RTN4IP1: variants seen among roughly 807,000 people sequenced by gnomAD.
RTN4IP1 encodes the protein NAD(P)H oxidoreductase RTN4IP1, mitochondrial.
In RTN4IP1, 32 loss-of-function variants were observed where a neutral mutation model predicts 46.6. That is an observed-to-expected ratio of 0.69 (90% CI 0.52 to 0.92). RTN4IP1 has a LOEUF of 0.92. RTN4IP1 is among the 40% of genes least tolerant of loss of function. The pLI, the probability that RTN4IP1 is intolerant of heterozygous loss-of-function variation, is 0.00. For synonymous variants in RTN4IP1, 167 were observed against 161.8 expected (o/e 1.03, Z -0.24); for missense variants, 424 against 485.8 (o/e 0.87, Z 1.20).
intron 5 of RTN4IP1, among the ~76,000 whole-genome samples, chr6:106,602,636 C>T (rs1775974693): frequency 6.6e-6 from 1 of 152,164 alleles, no homozygotes; most frequent in African/African-American, 2.4e-5. Flanking sequence ...ATTTTCCTTA[C>T]AGTGAGCTAT....
At chr6:106,625,864 C>A (rs1776624370) in intron 1 of RTN4IP1, among the ~76,000 whole-genome samples, 1 of 151,892 alleles carries the variant, frequency 6.6e-6, no homozygotes, top group South Asian at 2.1e-4. Flanking sequence ...CCATGTTGAT[C>A]AGGATGGTCT....
chr6:106,580,904 A>G (rs1175244402), intron 8 of RTN4IP1, among the ~76,000 whole-genome samples: 9 of 151,900 alleles, frequency 5.9e-5, no homozygotes, highest in Non-Finnish European at 1.2e-4. Flanking sequence ...CCATACAAAT[A>G]CTATGTAGCT....
chr6:106,600,150 C>A (rs1485838483), intron 5 of RTN4IP1, among the ~76,000 whole-genome samples: 1 of 152,068 alleles, frequency 6.6e-6, no homozygotes, highest in Non-Finnish European at 1.5e-5. Context: ...CATCTGGGTT[C>A]TCAAAAAGTC....
At position 106,592,320 on chromosome 6, in the gene RTN4IP1, A is replaced by C. The variant is rs755355988; in HGVS notation, c.670-20T>G. ...CATTACCTGCCCCCCACCAAAAAGA[A>C]AAAAAGAATAAAAAAGGGAGAGATT... On this transcript the variant is annotated intron_variant, in intron 5 of 8. Coordinates refer to ENST00000369063, the MANE Select transcript of RTN4IP1 (RefSeq NM_032730.5). The C allele has an allele frequency of 6.2e-7, 1 of 1,603,262 alleles. No homozygotes were observed. Among genetic ancestry groups the C allele is most frequent in the South Asian group, 1.1e-5 (1 of 88,914 alleles).
chr6:106,612,126 C>A (rs1025425459), intron 4 of RTN4IP1, among the ~76,000 whole-genome samples: 1 of 152,000 alleles, frequency 6.6e-6, no homozygotes, highest in African/African-American at 2.4e-5. Context: ...GTGGCTCACG[C>A]CTGTAATCCC....
rs1193224747 is a variant in RTN4IP1, at chr6:106,592,219, C to A, written c.751G>T (p.Asp251Tyr). 1 of 1,613,992 alleles carries A rather than the reference C, an allele frequency of 6.2e-7. No homozygotes were observed. Among genetic ancestry groups the A allele is most frequent in the African/African-American group, 1.3e-5 (1 of 74,890 alleles). ...CTTCCAGATTTGTAATCAATTACAT[C>A]GTCTGCACCAAGCTTCCTTACAAGT... Reference protein sequence around the residue: ...SELVRKLGADDVIDYKSGSVE... With the variant: ...SELVRKLGADYVIDYKSGSVE... The change falls in exon 6 of 9, where the codon GAT (aspartate) becomes TAT (tyrosine). Residue 251 changes from aspartate (D) to tyrosine (Y), a missense_variant. Transcript: ENST00000369063.
intron 6 of RTN4IP1, among the ~76,000 whole-genome samples, chr6:106,591,755 T>C (rs1775669133): frequency 6.6e-6 from 1 of 152,164 alleles, no homozygotes; most frequent in Admixed American, 6.5e-5. Context: ...AGACTTACAC[T>C]GTTTCTCTTA....
chr6:106,613,782 A>G (rs1190967195), intron 4 of RTN4IP1, among the ~76,000 whole-genome samples: 1 of 152,168 alleles, frequency 6.6e-6, no homozygotes, highest in Admixed American at 6.5e-5. Flanking sequence ...AAACATTTAC[A>G]GTCTATTCTC....
intron 8 of RTN4IP1, among the ~76,000 whole-genome samples, chr6:106,580,266 CCTT>C (rs1226006423): frequency 6.7e-6 from 1 of 149,256 alleles, no homozygotes; most frequent in Non-Finnish European, 1.5e-5. Flanking sequence ...AGTAACCAGA[CCTT>C]CTTCACATTC....
At chr6:106,596,040 T>C (rs929450177) in intron 5 of RTN4IP1, among the ~76,000 whole-genome samples, 5 of 18,962 alleles carry the variant, frequency 2.6e-4, no homozygotes, top group Admixed American at 8.7e-4. Context: ...GTAATGGTCA[T>C]TATTATTACT....
intron 8 of RTN4IP1, among the ~76,000 whole-genome samples, chr6:106,575,190 CTA>C (rs900570574): frequency 2.0e-5 from 3 of 152,198 alleles, no homozygotes; most frequent in African/African-American, 7.2e-5. Flanking sequence ...GATGACGCTG[CTA>C]TAGTCCACCT....
chr6:106,595,678 A>T (rs1424617052), intron 5 of RTN4IP1, among the ~76,000 whole-genome samples: 2 of 151,856 alleles, frequency 1.3e-5, no homozygotes, highest in African/African-American at 4.8e-5. Flanking sequence ...TTGTATTTTT[A>T]TTAGAGAAGG....
At chr6:106,575,429 G>A (rs922031110) in intron 8 of RTN4IP1, among the ~76,000 whole-genome samples, 26 of 152,254 alleles carry the variant, frequency 1.7e-4, no homozygotes, top group African/African-American at 6.3e-4. Flanking sequence ...CTGTGAGAAC[G>A]TAGGGACGAC....
At chr6:106,613,413 G>A in intron 4 of RTN4IP1, among the ~76,000 whole-genome samples, 1 of 152,120 alleles carries the variant, frequency 6.6e-6, no homozygotes, top group East Asian at 1.9e-4. Flanking sequence ...GTTAAACAAG[G>A]TTTGAAATGT....
At chr6:106,587,013 T>C (rs1775502908) in intron 7 of RTN4IP1, among the ~76,000 whole-genome samples, 1 of 152,146 alleles carries the variant, frequency 6.6e-6, no homozygotes, top group Admixed American at 6.5e-5. Context: ...CATCATGCCA[T>C]TAATAGCTGG....
At chr6:106,590,177 G>A (rs957449543) in intron 6 of RTN4IP1, among the ~76,000 whole-genome samples, 13 of 152,044 alleles carry the variant, frequency 8.6e-5, no homozygotes, top group South Asian at 2.1e-4. Context: ...AAAATTAGCC[G>A]GGTGTGATGG....
At chr6:106,605,700 C>A (rs1022727345) in intron 4 of RTN4IP1, among the ~76,000 whole-genome samples, 1 of 151,182 alleles carries the variant, frequency 6.6e-6, no homozygotes, top group African/African-American at 2.4e-5. Context: ...GCCTGTAGTC[C>A]CAGCTACTCG....
intron 1 of RTN4IP1, among the ~76,000 whole-genome samples, chr6:106,624,272 T>C (rs1367042029): frequency 6.6e-6 from 1 of 152,090 alleles, no homozygotes; most frequent in Non-Finnish European, 1.5e-5. Context: ...GCCAAGATGG[T>C]CTCAATCTCC....
rs759267438 is a variant in RTN4IP1 at position 106,592,184 on chromosome 6, C to T, written c.786G>A (p.Glu262=). 2 of 1,614,032 alleles carry T rather than the reference C, an allele frequency of 1.2e-6. No homozygotes were observed. The highest frequency in any genetic ancestry group is 1.7e-6 in the Non-Finnish European group (2 of 1,179,982). Reference sequence around the variant, plus strand: ...CATACGGTTTTAAGGATTTCAACTGCTCTTCCACACTTCCAGATTTGTAAT... The same window carrying T: ...CATACGGTTTTAAGGATTTCAACTGTTCTTCCACACTTCCAGATTTGTAAT... ...VIDYKSGSVE[E]QLKSLKPFDF... is the part of the protein sequence containing the mutation. Residue 262 remains glutamate (E), a synonymous_variant, in exon 6 of 9, where the codon GAG becomes GAA. Coordinates refer to ENST00000369063, the MANE Select transcript of RTN4IP1 (RefSeq NM_032730.5).
Sources: allele counts gnomAD v4.1 joint callset (sites outside exome capture counted in the v4.1 genomes callset), GRCh38; gene constraint gnomAD v4.1.1; transcripts MANE v1.5; gene names NCBI Gene and HGNC (gene_info 2026-07-23, HGNC 2026-07-21).